The following LOC128125822 variants were observed in gnomAD, a reference collection of about 807,000 sequenced individuals.
At chr6:63,578,293 TTAAACA>T in the LOC128125822 span, 7 of 1,075,998 alleles carry the variant, frequency 6.5e-6, no homozygotes, top group African/African-American at 1.2e-4. Context: ...TGCTTTTGTG[TTAAACA>T]TAAATGGATT....
the LOC128125822 span, among the ~76,000 whole-genome samples, chr6:63,573,084 C>T: frequency 5.9e-5 from 9 of 152,232 alleles, no homozygotes; most frequent in African/African-American, 1.7e-4. Context: ...CGCTTTGTGA[C>T]CGCCGCCTCC....
At chr6:63,578,001 A>G in the LOC128125822 span, among the ~76,000 whole-genome samples, 2 of 144,674 alleles carry the variant, frequency 1.4e-5, no homozygotes, top group South Asian at 4.4e-4. Context: ...GTAAATCAGT[A>G]AAGTTTAAGG....
chr6:63,574,322 CCTT>C, the LOC128125822 span, among the ~76,000 whole-genome samples: 1 of 152,268 alleles, frequency 6.6e-6, no homozygotes, highest in African/African-American at 2.4e-5. Context: ...TCCTCCTCTC[CCTT>C]CTTGTATATG....
the LOC128125822 span, among the ~76,000 whole-genome samples, chr6:63,576,045 A>G: frequency 6.7e-4 from 101 of 151,314 alleles, no homozygotes; most frequent in African/African-American, 2.4e-3. Flanking sequence ...CAATGTAAAG[A>G]AAACAACTAT....
chr6:63,577,720 C>G, the LOC128125822 span, among the ~76,000 whole-genome samples: 2 of 152,028 alleles, frequency 1.3e-5, no homozygotes, highest in African/African-American at 4.8e-5. Flanking sequence ...CCTTGCCCAG[C>G]TAATTTTTGT....
chr6:63,576,164 A>G, the LOC128125822 span, among the ~76,000 whole-genome samples: 31 of 151,276 alleles, frequency 2.0e-4, no homozygotes, highest in East Asian at 5.2e-3. Context: ...TGAATTTCAC[A>G]AAAATGTAAC....
chr6:63,579,939 C>T, the LOC128125822 span: 2 of 730,656 alleles, frequency 2.7e-6, no homozygotes, highest in Non-Finnish European at 4.7e-6. Context: ...CATCAGGTCA[C>T]AGCCTAATTA....
At chr6:63,576,360 A>T in the LOC128125822 span, 1 of 397,584 alleles carries the variant, frequency 2.5e-6, no homozygotes. Context: ...GTACTTAAAT[A>T]GTGTAAAACC....
chr6:63,574,714 T>G, the LOC128125822 span, among the ~76,000 whole-genome samples: 2 of 152,302 alleles, frequency 1.3e-5, no homozygotes, highest in East Asian at 3.9e-4. Context: ...GAAATTAGAA[T>G]ACTGTGATGA....
the LOC128125822 span, chr6:63,581,713 T>C: frequency 3.9e-5 from 6 of 152,162 alleles, no homozygotes; most frequent in African/African-American, 1.2e-4. Flanking sequence ...AGAAATAATG[T>C]ATAGTAGAGG....
chr6:63,579,829 G>A, the LOC128125822 span, among the ~76,000 whole-genome samples: 18 of 152,242 alleles, frequency 1.2e-4, no homozygotes, highest in Non-Finnish European at 2.4e-4. Flanking sequence ...GGATTTGTGA[G>A]TCGACTGTTG....
the LOC128125822 span, chr6:63,578,764 A>G: frequency 3.5e-6 from 4 of 1,137,594 alleles, no homozygotes; most frequent in Non-Finnish European, 4.7e-6. Context: ...TTGGTAGACA[A>G]CAGGGTTTAA....
At chr6:63,577,614 T>G in the LOC128125822 span, among the ~76,000 whole-genome samples, 1 of 152,104 alleles carries the variant, frequency 6.6e-6, no homozygotes, top group Non-Finnish European at 1.5e-5. Context: ...TGGAGTGCAG[T>G]GGCATGATCT....
chr6:63,583,506 G>A, the LOC128125822 span: 1 of 152,206 alleles, frequency 6.6e-6, no homozygotes, highest in East Asian at 1.9e-4. Context: ...ATGTGTTAAC[G>A]TATGAATGAA....
chr6:63,580,009 T>C, the LOC128125822 span: 6 of 1,383,736 alleles, frequency 4.3e-6, no homozygotes, highest in African/African-American at 5.8e-5. Flanking sequence ...TAAATATTAC[T>C]GTAGGGGGCT....
the LOC128125822 span, among the ~76,000 whole-genome samples, chr6:63,579,839 G>C: frequency 6.6e-6 from 1 of 152,076 alleles, no homozygotes; most frequent in African/African-American, 2.4e-5. Flanking sequence ...GTCGACTGTT[G>C]TAACCAATAC....
the LOC128125822 span, chr6:63,576,780 T>G: frequency 2.3e-6 from 2 of 859,504 alleles, no homozygotes; most frequent in East Asian, 5.2e-5. Context: ...GAATTTCAAG[T>G]GGAGTATATT....
At chr6:63,581,473 TA>T in the LOC128125822 span, 9 of 152,686 alleles carry the variant, frequency 5.9e-5, no homozygotes, top group African/African-American at 2.2e-4. Flanking sequence ...TTGGTTTGCT[TA>T]AAATTAACTT....
the LOC128125822 span, among the ~76,000 whole-genome samples, chr6:63,572,955 A>T: frequency 2.0e-5 from 3 of 151,868 alleles, no homozygotes; most frequent in Admixed American, 6.5e-5. Context: ...TGGCCGCCGG[A>T]GGCACCGGCT....
Sources: gnomAD v4.1 joint callset for allele counts (sites outside exome capture counted in the v4.1 genomes callset) on GRCh38, gnomAD v4.1.1 for gene constraint, MANE v1.5 for transcripts.